NSRP1: variants seen among roughly 807,000 people sequenced by gnomAD.
NSRP1 encodes the protein nuclear speckle splicing regulatory protein 1, also known as coiled-coil domain containing 55.
Under a neutral mutation model 54.7 loss-of-function variants are expected in NSRP1, and 24 were observed. The observed-to-expected ratio is 0.44, with a 90% CI of 0.32 to 0.62. The LOEUF is 0.62. Among genes scored for constraint, NSRP1 ranks in the 20% least tolerant of loss-of-function variants. The pLI is 0.06. For missense variants in NSRP1, 596 were observed against 651.2 expected, an observed-to-expected ratio of 0.92 and a Z score of 0.92; for synonymous variants, 210 against 213.8, an observed-to-expected ratio of 0.98 and a Z score of 0.15.
intron 2 of NSRP1, among the ~76,000 whole-genome samples, chr17:30,156,053 T>G (rs2071958672): frequency 6.6e-6 from 1 of 152,000 alleles, no homozygotes; most frequent in African/African-American, 2.4e-5. Context: ...TTGCCCAGGC[T>G]GGTCTCAAAC....
At chr17:30,137,845 AAATTGT>A (rs2071763670) in intron 2 of NSRP1, among the ~76,000 whole-genome samples, 1 of 152,210 alleles carries the variant, frequency 6.6e-6, no homozygotes, top group Non-Finnish European at 1.5e-5. Context: ...GCTGTTTTTT[AAATTGT>A]AAAATATGCA....
At chr17:30,161,211 T>A (rs1421028702) in intron 2 of NSRP1, among the ~76,000 whole-genome samples, 1 of 152,230 alleles carries the variant, frequency 6.6e-6, no homozygotes, top group African/African-American at 2.4e-5. Flanking sequence ...ATTCTTTATG[T>A]GTACATAGGC....
intron 2 of NSRP1, among the ~76,000 whole-genome samples, chr17:30,167,647 G>A (rs907119418): frequency 1.3e-5 from 2 of 151,886 alleles, no homozygotes; most frequent in Non-Finnish European, 2.9e-5. Flanking sequence ...GCTTTTAATT[G>A]TAGTAGTTTT....
At chr17:30,123,603 G>A (rs1163091077) in intron 2 of NSRP1, among the ~76,000 whole-genome samples, 1 of 152,144 alleles carries the variant, frequency 6.6e-6, no homozygotes, top group Non-Finnish European at 1.5e-5. Flanking sequence ...TGTTGCTGGT[G>A]CTTTAGTGTC....
chr17:30,141,161 CTATTT>C (rs142615299), intron 2 of NSRP1, among the ~76,000 whole-genome samples: 2,945 of 152,252 alleles, frequency 0.019, 34 homozygotes, highest in Non-Finnish European at 0.03. Flanking sequence ...TTTTAGTTTT[CTATTT>C]TATTACTTTT....
intron 2 of NSRP1, among the ~76,000 whole-genome samples, chr17:30,135,265 C>T (rs905116896): frequency 3.3e-5 from 5 of 151,882 alleles, no homozygotes; most frequent in African/African-American, 1.2e-4. Context: ...ACTACAGGCA[C>T]GTGCCACCAT....
chr17:30,161,190 A>G (rs909196876), intron 2 of NSRP1, among the ~76,000 whole-genome samples: 1 of 152,226 alleles, frequency 6.6e-6, no homozygotes, highest in Non-Finnish European at 1.5e-5. Context: ...GGCTATAAAC[A>G]TTTGTATACA....
chr17:30,144,171 T>G (rs986847709), intron 2 of NSRP1: 1 of 151,960 alleles, frequency 6.6e-6, no homozygotes, highest in Non-Finnish European at 1.5e-5. Context: ...CCGTTTATGC[T>G]TCTCCCACCT....
At chr17:30,170,812 CTGTA>C (rs1904904359) in intron 2 of NSRP1, among the ~76,000 whole-genome samples, 1 of 152,186 alleles carries the variant, frequency 6.6e-6, no homozygotes, top group African/African-American at 2.4e-5. Flanking sequence ...GATTGCTAGG[CTGTA>C]TGGTAGTTCT....
intron 6 of NSRP1, among the ~76,000 whole-genome samples, chr17:30,182,663 G>A (rs991610677): frequency 4.2e-5 from 6 of 144,042 alleles, no homozygotes; most frequent in South Asian, 4.4e-4. Context: ...GGCTGGGCAC[G>A]GTGGCTCATG....
rs564865465 is a variant in NSRP1, at chr17:30,122,686, G to C, written c.114+4513G>C. On this transcript the variant is annotated intron_variant, in intron 2 of 6. Coordinates refer to ENST00000247026, the MANE Select transcript of NSRP1 (RefSeq NM_032141.4). ...CCCAAAGTGCTGGGATTACAGGTGT[G>C]AGCCACCACACCTGGCCTGGTTTTA... The C allele has an allele frequency of 1.6e-3, 237 of 149,756 alleles. 2 individuals carry two copies. Among genetic ancestry groups the C allele is most frequent in the African/African-American group, 5.6e-3 (229 of 40,828 alleles). The allele number at this position is 149,756 out of a possible 1,614,324, so 9.3% of individuals were successfully genotyped here. A position where few individuals can be genotyped will look rare whatever the true frequency, so the allele number is the denominator to read the frequency against.
At chr17:30,184,481 G>T (rs1905430649) in intron 6 of NSRP1, 134 bp from the exon 7 acceptor site, 1 of 1,127,704 alleles carries the variant, frequency 8.9e-7, no homozygotes, top group Non-Finnish European at 1.2e-6. Context: ...TTTGCATTTG[G>T]ATAATCAGAC....
chr17:30,170,347 T>G (rs1904884592), intron 2 of NSRP1, among the ~76,000 whole-genome samples: 1 of 152,176 alleles, frequency 6.6e-6, no homozygotes, highest in Non-Finnish European at 1.5e-5. Flanking sequence ...ATTTACTCAT[T>G]TAGCATGAAT....
At chr17:30,125,182 G>A (rs941735046) in intron 2 of NSRP1, among the ~76,000 whole-genome samples, 4 of 151,982 alleles carry the variant, frequency 2.6e-5, no homozygotes, top group Non-Finnish European at 4.4e-5. Context: ...GTGACAGAAC[G>A]AGACTCCGTC....
intron 2 of NSRP1, among the ~76,000 whole-genome samples, chr17:30,151,349 C>T (rs2071907768): frequency 6.6e-6 from 1 of 152,038 alleles, no homozygotes; most frequent in Admixed American, 6.6e-5. Flanking sequence ...TTGACTACCC[C>T]AAAACTTAAC....
At chr17:30,162,752 G>A (rs4493117) in intron 2 of NSRP1, among the ~76,000 whole-genome samples, 84,891 of 151,910 alleles carry the variant, frequency 0.56, 24,524 homozygotes, top group East Asian at 0.82. Flanking sequence ...AAATTTTTGT[G>A]TTAAAATAAA....
chr17:30,175,080 G>C (rs568079640), intron 3 of NSRP1, among the ~76,000 whole-genome samples: 1 of 152,290 alleles, frequency 6.6e-6, no homozygotes, highest in South Asian at 2.1e-4. Context: ...TGACAGATCA[G>C]TGTGTTCTTC....
rs1905532088 is a variant in NSRP1, at chr17:30,186,188, C to G, written c.*514C>G. 6.6e-6 allele frequency: 1 copy of G among 152,186 alleles called. No individual in the cohort carries two copies. The highest frequency in any genetic ancestry group is 6.5e-5 in the Admixed American group (1 of 15,274). The allele number at this position is 152,186 out of a possible 1,614,324, so 9.4% of individuals were successfully genotyped here. On this transcript the variant is annotated 3_prime_UTR_variant, in exon 7 of 7. Transcript: ENST00000247026. ...GCTGAGGCAAGAAGATCACTTGAGC[C>G]TAGGAATTTGATGTTACAGTGAGGT...
intron 2 of NSRP1, among the ~76,000 whole-genome samples, chr17:30,151,892 C>T (rs2071914972): frequency 6.7e-6 from 1 of 148,220 alleles, no homozygotes; most frequent in Admixed American, 6.9e-5. Flanking sequence ...AAGTGATTCT[C>T]CCAAGTAGCT....
Sources: allele counts gnomAD v4.1 joint callset (sites outside exome capture counted in the v4.1 genomes callset), GRCh38; gene constraint gnomAD v4.1.1; transcripts MANE v1.5; gene names NCBI Gene and HGNC (gene_info 2026-07-23, HGNC 2026-07-21).